The following SLC9B2 variants were observed in gnomAD, a reference collection of about 807,000 sequenced individuals.
SLC9B2 encodes sodium/hydrogen exchanger 9B2.
A neutral mutation model predicts 52.2 loss-of-function variants in SLC9B2; 39 were observed. The observed-to-expected ratio is 0.75, with a 90% CI of 0.58 to 0.98. The LOEUF (loss-of-function observed/expected upper bound fraction) is 0.98, where lower values mean the gene tolerates loss of function less well. Among genes scored for constraint, SLC9B2 ranks in the 50% least tolerant of loss-of-function variants. SLC9B2 has a pLI of 0.00. For missense variants in SLC9B2, 626 were observed against 637.5 expected (o/e 0.98, Z 0.19); for synonymous variants, 214 against 227.0 (o/e 0.94, Z 0.51).
intron 3 of SLC9B2, among the ~76,000 whole-genome samples, chr4:103,063,918 A>C (rs1745877849): frequency 6.6e-6 from 1 of 152,232 alleles, no homozygotes; most frequent in African/African-American, 2.4e-5. Flanking sequence ...CAAATGGCCA[A>C]ACAGGTATAG....
In SLC9B2 at chr4:103,049,030, A is replaced by C; in HGVS notation, c.586-10T>G. On this transcript the variant is annotated splice_polypyrimidine_tract_variant and intron_variant, in intron 5 of 11. Coordinates refer to ENST00000394785, the MANE Select transcript of SLC9B2 (RefSeq NM_178833.7). ...TTAACTTCTTCAGGGCCTGAAATAG[A>C]AAAGTAGACATCCTAATATAATCCT... is the stretch of plus-strand genomic sequence containing the variant. 1.9e-6 allele frequency: 3 copies of C among 1,612,184 alleles called. No individual in the cohort carries two copies. Among genetic ancestry groups the C allele is most frequent in the African/African-American group, 1.3e-5 (1 of 74,966 alleles).
At chr4:103,058,575 A>T (rs1019010108) in intron 3 of SLC9B2, among the ~76,000 whole-genome samples, 2 of 151,896 alleles carry the variant, frequency 1.3e-5, no homozygotes, top group Admixed American at 6.6e-5. Flanking sequence ...TTTCTTAAAA[A>T]TTTTTTAGTG....
chr4:103,032,483 A>G (rs1742793696), intron 9 of SLC9B2, among the ~76,000 whole-genome samples: 1 of 149,272 alleles, frequency 6.7e-6, no homozygotes, highest in Admixed American at 6.8e-5. Flanking sequence ...GGGCCTTTAA[A>G]ATATTTTTCC....
rs1390775195 is a variant in SLC9B2 at position 103,060,041 on chromosome 4, A to C, written c.272-2070T>G. ...AAGGAATTCTTTTTCCTTGTTTTCA[A>C]CATCTTCTCTTTTTCTTTGGTTTTC... On this transcript the variant is annotated intron_variant, in intron 3 of 11. Coordinates refer to ENST00000394785, the MANE Select transcript of SLC9B2 (RefSeq NM_178833.7). Among the ~76,000 whole-genome samples the C allele has an allele frequency of 2.6e-5, 4 of 151,854 alleles. No homozygotes were observed. In the East Asian group the frequency reaches 7.7e-4, roughly 29 times the overall value.
At chr4:103,053,057 T>C (rs1257893136) in intron 4 of SLC9B2, among the ~76,000 whole-genome samples, 2 of 152,174 alleles carry the variant, frequency 1.3e-5, no homozygotes, top group Non-Finnish European at 1.5e-5. Flanking sequence ...AAATTTTGTA[T>C]TATGAAAATT....
At position 103,069,500 on chromosome 4, in the gene SLC9B2, T is replaced by C. The variant is rs184427634; in HGVS notation, c.-42-1908A>G. ...CAAGAATAGTTCTAACTATGCACAGTTGGCATTCAATAGTGTTGGTTATTG... is the reference window on the plus strand; with the variant it reads ...CAAGAATAGTTCTAACTATGCACAGCTGGCATTCAATAGTGTTGGTTATTG... On this transcript the variant is annotated intron_variant, in intron 1 of 11. Coordinates refer to ENST00000394785, the MANE Select transcript of SLC9B2 (RefSeq NM_178833.7). Among the ~76,000 whole-genome samples, 49 of 152,374 alleles carry C rather than the reference T, an allele frequency of 3.2e-4. 1 individual carries two copies. The highest frequency in any genetic ancestry group is 5.0e-4 in the Non-Finnish European group (34 of 68,036).
downstream of SLC9B2, chr4:103,019,766 C>A (rs564642952): frequency 2.0e-4 from 202 of 985,670 alleles, no homozygotes; most frequent in African/African-American, 3.0e-3. Context: ...GTTTAAGTGA[C>A]GTCTTGGCTG....
intron 1 of SLC9B2, among the ~76,000 whole-genome samples, chr4:103,074,758 C>T (rs1264669543): frequency 6.6e-6 from 1 of 152,038 alleles, no homozygotes; most frequent in Non-Finnish European, 1.5e-5. Context: ...AATTTCCACT[C>T]ATGAAACAAA....
At position 103,035,449 on chromosome 4, in the gene SLC9B2, T is replaced by G. The variant is rs189358289; in HGVS notation, c.1147-3641A>C. ...AATAGTGTTGCAATGAACATACTCA[T>G]GAATGTGTCTTTATAACAGAATGAT... On this transcript the variant is annotated intron_variant, in intron 9 of 11. Coordinates refer to ENST00000394785, the MANE Select transcript of SLC9B2 (RefSeq NM_178833.7). 1.3e-3 allele frequency among the ~76,000 whole-genome samples: 194 copies of G among 152,304 alleles called. No homozygotes were observed. In the Middle Eastern group the frequency reaches 0.017, roughly 13 times the overall value.
intron 9 of SLC9B2, among the ~76,000 whole-genome samples, chr4:103,037,123 C>A (rs946211208): frequency 2.0e-5 from 3 of 152,162 alleles, no homozygotes; most frequent in Non-Finnish European, 4.4e-5. Flanking sequence ...TGTGAATGCA[C>A]CCTGTGATGG....
chr4:103,019,629 C>G, downstream of SLC9B2: 2 of 985,478 alleles, frequency 2.0e-6, no homozygotes, highest in South Asian at 9.4e-5. Flanking sequence ...CTCGCTGGCC[C>G]GGGAGCGGCC....
chr4:103,026,654 T>C, intron 11 of SLC9B2, 63 bp from the exon 12 acceptor site: 1 of 1,479,954 alleles, frequency 6.8e-7, no homozygotes. Flanking sequence ...AAAAAGTGAG[T>C]TTTTTATTGT....
intron 7 of SLC9B2, among the ~76,000 whole-genome samples, chr4:103,045,603 C>T (rs57104587): frequency 2.3e-3 from 351 of 152,064 alleles, no homozygotes; most frequent in African/African-American, 8.2e-3. Flanking sequence ...GGTCTAAGGA[C>T]CACACGTAGT....
intron 3 of SLC9B2, among the ~76,000 whole-genome samples, chr4:103,065,031 T>C (rs1328328063): frequency 6.6e-6 from 1 of 151,412 alleles, no homozygotes; most frequent in African/African-American, 2.4e-5. Flanking sequence ...AAGACAAACC[T>C]GGGCAACATA....
At chr4:103,062,371 A>G (rs1292366451) in intron 3 of SLC9B2, among the ~76,000 whole-genome samples, 7 of 151,624 alleles carry the variant, frequency 4.6e-5, no homozygotes. Context: ...GTGAGCCGAG[A>G]TCGAGCCATT....
intron 7 of SLC9B2, 33 bp downstream of exon 7, chr4:103,047,018 A>T (rs1230870052): frequency 1.3e-6 from 2 of 1,594,678 alleles, no homozygotes; most frequent in Non-Finnish European, 1.7e-6. Flanking sequence ...CTAGAATGCA[A>T]GAGTAAAGCC....
At chr4:103,043,504 G>A (rs2110602239) in intron 8 of SLC9B2, 59 bp from the exon 9 acceptor site, 2 of 1,463,450 alleles carry the variant, frequency 1.4e-6, no homozygotes, top group Middle Eastern at 1.8e-4. Context: ...TTTAATGATT[G>A]ATTTTTTCCA....
Position 103,026,095 on chromosome 4 carries a change from TA to T in SLC9B2, c.*274del. On this transcript the variant is annotated 3_prime_UTR_variant, in exon 12 of 12. Coordinates refer to ENST00000394785, the MANE Select transcript of SLC9B2 (RefSeq NM_178833.7). ...AAGCTGGTCTTTCCCACATTAACTGTAAACTGTGGTAGTACATTAAAGTAGA... is the reference window on the plus strand; with the variant it reads ...AAGCTGGTCTTTCCCACATTAACTGTAACTGTGGTAGTACATTAAAGTAGA... 1 of 251,996 alleles carries T rather than the reference TA, an allele frequency of 4.0e-6. No individual in the cohort carries two copies. The highest frequency in any genetic ancestry group is 1.4e-4 in the South Asian group (1 of 7,308). The allele number at this position is 251,996 out of a possible 1,614,324, so 15.6% of individuals were successfully genotyped here. A position where few individuals can be genotyped will look rare whatever the true frequency, so the allele number is the denominator to read the frequency against.
intron 4 of SLC9B2, among the ~76,000 whole-genome samples, chr4:103,051,289 T>C (rs917350274): frequency 6.6e-6 from 1 of 152,222 alleles, no homozygotes; most frequent in East Asian, 1.9e-4. Flanking sequence ...GGGAAAGGTT[T>C]CTGTGAGAGA....
Sources: gnomAD v4.1 joint callset for allele counts (sites outside exome capture counted in the v4.1 genomes callset) on GRCh38, gnomAD v4.1.1 for gene constraint, MANE v1.5 for transcripts, NCBI Gene and HGNC (gene_info 2026-07-23, HGNC 2026-07-21) for gene names.